Variants in CERS3 observed in about 807,000 individuals in gnomAD.
CERS3 encodes the protein ceramide synthase 3.
CERS3 carries 33 observed loss-of-function variants against 50.3 expected under a neutral mutation model. The ratio of observed to expected loss-of-function variants is 0.66; its 90% CI spans 0.50 to 0.88. The LOEUF (loss-of-function observed/expected upper bound fraction) is 0.88, where lower values mean the gene tolerates loss of function less well. Ranked by LOEUF, CERS3 falls within the 40% of genes least tolerant of loss-of-function variation. The pLI is 0.00. For missense variants in CERS3, 470 were observed against 460.3 expected (o/e 1.02, Z -0.19); for synonymous variants, 176 against 155.2 (o/e 1.13, Z -0.99).
At chr15:100,486,735 A>C (rs919944893) in intron 4 of CERS3, among the ~76,000 whole-genome samples, 56 of 152,190 alleles carry the variant, frequency 3.7e-4, no homozygotes, top group African/African-American at 1.2e-3. Context: ...TTACTATTTC[A>C]AGTGTTTTGC....
At chr15:100,481,877 T>A (rs1241909070) in intron 5 of CERS3, among the ~76,000 whole-genome samples, 1 of 152,240 alleles carries the variant, frequency 6.6e-6, no homozygotes, top group African/African-American at 2.4e-5. Context: ...TTCAGAATAT[T>A]ACTAACACAT....
At chr15:100,496,532 G>A (rs978920641) in intron 3 of CERS3, among the ~76,000 whole-genome samples, 1 of 152,140 alleles carries the variant, frequency 6.6e-6, no homozygotes, top group African/African-American at 2.4e-5. Context: ...TGGGTAGCGA[G>A]GGTATTAACT....
intron 11 of CERS3, among the ~76,000 whole-genome samples, chr15:100,441,803 C>CG (rs1452658603): frequency 4.9e-5 from 6 of 122,916 alleles, no homozygotes; most frequent in African/African-American, 1.7e-4. Context: ...ACATCAGTCC[C>CG]CCCCAGTCTG....
intron 10 of CERS3, among the ~76,000 whole-genome samples, chr15:100,465,680 T>TG (rs1309021783): frequency 2.7e-5 from 4 of 150,872 alleles, no homozygotes; most frequent in Admixed American, 6.6e-5. Flanking sequence ...TTTTTTGAGA[T>TG]GGAGTTTCAC....
At chr15:100,445,703 G>A (rs977896571) in intron 11 of CERS3, among the ~76,000 whole-genome samples, 1 of 151,852 alleles carries the variant, frequency 6.6e-6, no homozygotes, top group African/African-American at 2.4e-5. Context: ...GAGAAACATC[G>A]CCCATTATAT....
chr15:100,414,262 C>A (rs1288261064), intron 11 of CERS3, among the ~76,000 whole-genome samples: 1 of 152,052 alleles, frequency 6.6e-6, no homozygotes, highest in South Asian at 2.1e-4. Flanking sequence ...ACAAACCACT[C>A]CTCAAGGAAA....
In CERS3 at chr15:100,499,120, C is replaced by T. The variant is rs1429505871; in HGVS notation, c.173+2557G>A. ...ATGTTGCTGGGGTGGAGAATCTACT[C>T]GTGTATAATTAAGTAACAACAATAA... On this transcript the variant is annotated intron_variant, in intron 3 of 11. Transcript: ENST00000679737. Among the ~76,000 whole-genome samples, 13 of 152,250 alleles carry T rather than the reference C, an allele frequency of 8.5e-5. No homozygotes were observed. In the East Asian group the frequency reaches 2.1e-3, roughly 25 times the overall value.
intron 9 of CERS3, among the ~76,000 whole-genome samples, chr15:100,472,677 A>G (rs2035005965): frequency 6.6e-6 from 1 of 152,214 alleles, no homozygotes; most frequent in Non-Finnish European, 1.5e-5. Flanking sequence ...GGGCATGTGC[A>G]TGCAACCTTC....
chr15:100,424,105 C>T (rs1263375392), intron 11 of CERS3, among the ~76,000 whole-genome samples: 4 of 152,120 alleles, frequency 2.6e-5, no homozygotes, highest in Non-Finnish European at 5.9e-5. Context: ...CCATGCTCAG[C>T]TAATTTTGTA....
chr15:100,540,290 C>A (rs1016950751), intron 1 of CERS3, among the ~76,000 whole-genome samples: 10 of 152,308 alleles, frequency 6.6e-5, no homozygotes, highest in Non-Finnish European at 1.3e-4. Context: ...TACCTGTAAT[C>A]CCAGCACTTT....
At chr15:100,402,977 C>T in intron 11 of CERS3, 112 bp from the exon 12 acceptor site, 2 of 1,045,640 alleles carry the variant, frequency 1.9e-6, no homozygotes, top group Non-Finnish European at 2.7e-6. Context: ...ACCCAATATC[C>T]AAATAACTAA....
chr15:100,516,572 G>A (rs938585657), intron 2 of CERS3, among the ~76,000 whole-genome samples: 1 of 152,216 alleles, frequency 6.6e-6, no homozygotes, highest in African/African-American at 2.4e-5. Flanking sequence ...GTACAGGAAA[G>A]AATCAGATGT....
At chr15:100,542,742 C>T (rs187082873) in intron 1 of CERS3, among the ~76,000 whole-genome samples, 10 of 152,160 alleles carry the variant, frequency 6.6e-5, no homozygotes, top group Admixed American at 2.0e-4. Flanking sequence ...ACAATAAATA[C>T]ATGTTATATC....
chr15:100,520,732 T>C (rs2036616609), intron 2 of CERS3, among the ~76,000 whole-genome samples: 1 of 152,048 alleles, frequency 6.6e-6, no homozygotes, highest in South Asian at 2.1e-4. Context: ...TTGCCTTGGA[T>C]GGGAGCCCCT....
Position 100,424,648 on chromosome 15 carries a change from A to G in CERS3, c.1000-21783T>C, listed in dbSNP as rs1474330647. On this transcript the variant is annotated intron_variant, in intron 11 of 11. Coordinates refer to ENST00000679737, the MANE Select transcript of CERS3 (RefSeq NM_001378789.1). ...TGATTTAGGGTATCTGGTAGAAGAA[A>G]TTTTTAAGCAGCAATGCGTTCAAGA... 6.6e-5 allele frequency among the ~76,000 whole-genome samples: 10 copies of G among 152,322 alleles called. No individual in the cohort carries two copies. The East Asian group carries it at 1.9e-3, about 29-fold the overall frequency.
chr15:100,515,122 A>T (rs995418740), intron 2 of CERS3, among the ~76,000 whole-genome samples: 1 of 152,236 alleles, frequency 6.6e-6, no homozygotes, highest in Non-Finnish European at 1.5e-5. Flanking sequence ...TTAAGAGGCT[A>T]ATTTTTATAG....
At chr15:100,506,462 C>CCCCG (rs1240288223) in intron 2 of CERS3, among the ~76,000 whole-genome samples, 1 of 6,866 alleles carries the variant, frequency 1.5e-4, no homozygotes, top group African/African-American at 1.7e-4. Context: ...GAAATCGGGA[C>CCCCG]CCCCCCGCCG....
At chr15:100,406,703 A>C (rs1334524353) in intron 11 of CERS3, among the ~76,000 whole-genome samples, 1 of 152,228 alleles carries the variant, frequency 6.6e-6, no homozygotes, top group East Asian at 1.9e-4. Context: ...CCTTTCAGGA[A>C]AGGGCCATGC....
At position 100,402,126 on chromosome 15, in the gene CERS3, A is replaced by G. The variant is rs919504647; in HGVS notation, c.*587T>C. On this transcript the variant is annotated 3_prime_UTR_variant, in exon 12 of 12. Transcript: ENST00000679737. ...GGTTCACGATGACCCCACGGTTGACAGTGTGTACTTAAACTTCTGTGATCT... is the reference window on the plus strand; with the variant it reads ...GGTTCACGATGACCCCACGGTTGACGGTGTGTACTTAAACTTCTGTGATCT... The G allele has an allele frequency of 1.3e-5, 2 of 152,536 alleles. No individual in the cohort carries two copies. The highest frequency in any genetic ancestry group is 4.8e-5 in the African/African-American group (2 of 41,460). 9.4% of individuals were successfully genotyped at this position (152,536 alleles called of 1,614,324 possible). A position where few individuals can be genotyped will look rare whatever the true frequency, so the allele number is the denominator to read the frequency against.
Sources: gnomAD v4.1 joint callset for allele counts (sites outside exome capture counted in the v4.1 genomes callset) on GRCh38, gnomAD v4.1.1 for gene constraint, MANE v1.5 for transcripts, NCBI Gene and HGNC (gene_info 2026-07-23, HGNC 2026-07-21) for gene names.